Variants in ACOXL observed in about 807,000 individuals in gnomAD.
ACOXL encodes acyl-CoA oxidase like, also known as acyl-coenzyme A oxidase-like protein.
A neutral mutation model predicts 71.9 loss-of-function variants in ACOXL; 70 were observed. That is an observed-to-expected ratio of 0.97 (90% confidence interval 0.80 to 1.19). ACOXL has a LOEUF of 1.19. ACOXL is among the 50% of genes most tolerant of loss of function. The pLI, the probability that ACOXL is intolerant of heterozygous loss-of-function variation, is 0.00. For synonymous variants in ACOXL, 253 were observed against 281.6 expected (o/e 0.90, Z 1.02); for missense variants, 703 against 736.3 (o/e 0.95, Z 0.52).
chr2:110,986,778 C>A (rs976888437), intron 12 of ACOXL, among the ~76,000 whole-genome samples: 1 of 152,164 alleles, frequency 6.6e-6, no homozygotes, highest in African/African-American at 2.4e-5. Context: ...ACGGACCAGC[C>A]TTCTGGTCCA....
chr2:110,923,976 A>C (rs2060177781), intron 11 of ACOXL, among the ~76,000 whole-genome samples: 1 of 152,092 alleles, frequency 6.6e-6, no homozygotes, highest in Non-Finnish European at 1.5e-5. Context: ...ATGTCAGTAC[A>C]GATATACCTC....
chr2:110,984,601 C>G (rs1271639851), intron 12 of ACOXL, among the ~76,000 whole-genome samples: 6 of 152,158 alleles, frequency 3.9e-5, no homozygotes, highest in African/African-American at 1.4e-4. Context: ...TTAGCCAGAA[C>G]CAAATTTATC....
chr2:110,949,716 T>C (rs1159395291), intron 12 of ACOXL, among the ~76,000 whole-genome samples: 2 of 152,186 alleles, frequency 1.3e-5, no homozygotes, highest in Admixed American at 6.5e-5. Context: ...ACTAGGGACA[T>C]GTATAGATGC....
intron 9 of ACOXL, among the ~76,000 whole-genome samples, chr2:110,831,074 A>G (rs1689771571): frequency 6.6e-6 from 1 of 152,214 alleles, no homozygotes; most frequent in Non-Finnish European, 1.5e-5. Flanking sequence ...ACAACTGGGA[A>G]CAAGGCAAGG....
chr2:111,118,216 G>T lies in ACOXL; in HGVS notation c.*400G>T. ...TGATTTAGAAAAACTGTGGTGCCGA[G>T]TGAAAGAAAAAAAAAAAAGCAAACA... On this transcript the variant is annotated 3_prime_UTR_variant, in exon 18 of 18. Transcript: ENST00000439055. The T allele has an allele frequency of 4.5e-6, 1 of 223,032 alleles. No homozygotes were observed. The highest frequency in any genetic ancestry group is 8.5e-6 in the Non-Finnish European group (1 of 117,274). 13.8% of individuals were successfully genotyped at this position (223,032 alleles called of 1,614,324 possible). A position where few individuals can be genotyped will look rare whatever the true frequency, so the allele number is the denominator to read the frequency against.
At chr2:110,943,136 A>G (rs1375808567) in intron 12 of ACOXL, among the ~76,000 whole-genome samples, 1 of 137,078 alleles carries the variant, frequency 7.3e-6, no homozygotes. Flanking sequence ...AGAAGGAAGG[A>G]AAGAAGGAAG....
At chr2:111,086,240 C>A (rs564262057) in intron 16 of ACOXL, among the ~76,000 whole-genome samples, 1 of 152,138 alleles carries the variant, frequency 6.6e-6, no homozygotes, top group Admixed American at 6.6e-5. Flanking sequence ...GATACCAAAG[C>A]CTGGCAGGGA....
intron 12 of ACOXL, among the ~76,000 whole-genome samples, chr2:110,970,388 A>T (rs1211946837): frequency 6.6e-6 from 1 of 152,260 alleles, no homozygotes; most frequent in East Asian, 1.9e-4. Flanking sequence ...AAGGCGAAAA[A>T]GTCACATGAT....
intron 17 of ACOXL, among the ~76,000 whole-genome samples, chr2:111,105,384 A>G (rs370889526): frequency 2.0e-5 from 3 of 152,146 alleles, no homozygotes; most frequent in African/African-American, 7.2e-5. Flanking sequence ...TGGGATTTTG[A>G]TAGGTATTGC....
chr2:111,012,569 T>C (rs1278717925), intron 14 of ACOXL, among the ~76,000 whole-genome samples: 1 of 152,202 alleles, frequency 6.6e-6, no homozygotes, highest in African/African-American at 2.4e-5. Context: ...ATCTCAATAA[T>C]CCTTAAAAAG....
At chr2:110,955,920 G>A (rs1420288892) in intron 12 of ACOXL, among the ~76,000 whole-genome samples, 2 of 149,850 alleles carry the variant, frequency 1.3e-5, no homozygotes, top group Admixed American at 1.3e-4. Flanking sequence ...TTCCTTTCTG[G>A]AACTTGCCAC....
intron 11 of ACOXL, among the ~76,000 whole-genome samples, chr2:110,919,932 T>C (rs1402596965): frequency 6.6e-6 from 1 of 152,214 alleles, no homozygotes; most frequent in Non-Finnish European, 1.5e-5. Context: ...AGTATTCCAT[T>C]GTATAGATGT....
At chr2:111,022,132 C>G (rs2064791373) in intron 14 of ACOXL, among the ~76,000 whole-genome samples, 1 of 152,156 alleles carries the variant, frequency 6.6e-6, no homozygotes, top group Non-Finnish European at 1.5e-5. Flanking sequence ...GCGAGCAGAT[C>G]ACCTGAGGTC....
At chr2:110,845,040 A>G (rs952896210) in intron 10 of ACOXL, among the ~76,000 whole-genome samples, 1 of 152,358 alleles carries the variant, frequency 6.6e-6, no homozygotes, top group East Asian at 1.9e-4. Context: ...TATGCCTAAC[A>G]TAAAATCAGC....
chr2:110,840,897 G>A (rs944519053), intron 9 of ACOXL, among the ~76,000 whole-genome samples: 17 of 152,204 alleles, frequency 1.1e-4, no homozygotes, highest in Admixed American at 8.5e-4. Context: ...GGCCCAGGTG[G>A]CCTGGGCTCC....
intron 10 of ACOXL, among the ~76,000 whole-genome samples, chr2:110,878,017 G>A (rs185874783): frequency 2.4e-4 from 37 of 152,264 alleles, no homozygotes; most frequent in African/African-American, 7.2e-4. Flanking sequence ...ATTTCTCAAC[G>A]TTTTTAAGCA....
At chr2:110,883,641 C>T (rs1278786744) in intron 10 of ACOXL, among the ~76,000 whole-genome samples, 7 of 152,170 alleles carry the variant, frequency 4.6e-5, no homozygotes, top group Non-Finnish European at 8.8e-5. Flanking sequence ...CAGTCCATTC[C>T]AGCCATACCA....
intron 16 of ACOXL, among the ~76,000 whole-genome samples, chr2:111,084,258 TACACACAC>T (rs61263209): frequency 0.062 from 8,308 of 134,864 alleles, 395 homozygotes; most frequent in African/African-American, 0.12. Context: ...ATCTAAGGAA[TACACACAC>T]ACACACACAC....
intron 12 of ACOXL, among the ~76,000 whole-genome samples, chr2:110,980,077 T>A (rs2062635392): frequency 6.6e-6 from 1 of 152,158 alleles, no homozygotes; most frequent in Admixed American, 6.5e-5. Flanking sequence ...GGCGGCCTCA[T>A]GGCCAGATAG....
Sources: gnomAD v4.1 joint callset for allele counts (sites outside exome capture counted in the v4.1 genomes callset) on GRCh38, gnomAD v4.1.1 for gene constraint, MANE v1.5 for transcripts, NCBI Gene and HGNC (gene_info 2026-07-23, HGNC 2026-07-21) for gene names.